The following BBS2 variants were observed in gnomAD, a reference collection of about 807,000 sequenced individuals.
BBS2 encodes BBSome complex member BBS2.
In BBS2, 62 loss-of-function variants were observed where a neutral mutation model predicts 83.0. The ratio of observed to expected loss-of-function variants is 0.75; its 90% CI spans 0.61 to 0.92. The LOEUF (loss-of-function observed/expected upper bound fraction) is 0.92. BBS2 is among the 40% of genes least tolerant of loss of function. The pLI is 0.00. For synonymous variants in BBS2, 303 were observed against 326.1 expected (o/e 0.93, Z 0.76); for missense variants, 784 against 901.0 (o/e 0.87, Z 1.66).
chr16:56,503,218 C>T (rs1172693372), intron 7 of BBS2, among the ~76,000 whole-genome samples: 2 of 152,178 alleles, frequency 1.3e-5, no homozygotes, highest in Non-Finnish European at 2.9e-5. Context: ...TGTGCTTGGT[C>T]TTTTCATCTG....
exon 18 of BBS2, chr16:56,470,683 A>G (rs776994437): frequency 6.2e-7 from 1 of 1,614,222 alleles, no homozygotes; most frequent in East Asian, 2.2e-5. Context: ...AGAAGGGACT[A>G]GCCATAGTCC....
intron 11 of BBS2, chr16:56,500,581 C>A: frequency 2.5e-6 from 1 of 398,278 alleles, no homozygotes; most frequent in Non-Finnish European, 4.7e-6. Flanking sequence ...ACTGAGATTG[C>A]CCCACTGTAC....
intron 15 of BBS2, among the ~76,000 whole-genome samples, chr16:56,494,893 C>T (rs993280794): frequency 4.0e-5 from 6 of 148,488 alleles, no homozygotes; most frequent in Non-Finnish European, 7.4e-5. Flanking sequence ...ACCCGGGAGG[C>T]GGAGGTTGCA....
chr16:56,497,253 T>G, intron 14 of BBS2, 174 bp from the exon 15 acceptor site: 1 of 653,918 alleles, frequency 1.5e-6, no homozygotes, highest in Non-Finnish European at 2.8e-6. Flanking sequence ...AACTCATCTG[T>G]GCTGCCTCCA....
At chr16:56,507,384 C>T (rs1205428172) in intron 5 of BBS2, among the ~76,000 whole-genome samples, 1 of 152,198 alleles carries the variant, frequency 6.6e-6, no homozygotes, top group Non-Finnish European at 1.5e-5. Flanking sequence ...GGTTCTTGTC[C>T]TCTTTTCTAG....
At chr16:56,497,500 A>T (rs1964147289) in intron 14 of BBS2, 3 of 562,918 alleles carry the variant, frequency 5.3e-6, no homozygotes, top group Admixed American at 3.1e-5. Context: ...GAAAATGTTA[A>T]TATTTAAATG....
chr16:56,514,613 AG>A lies in BBS2; in HGVS notation c.184del (p.Leu62TrpfsTer17), dbSNP rs1281259093. 1.9e-6 allele frequency: 3 copies of A among 1,614,108 alleles called. No individual in the cohort carries two copies. Among genetic ancestry groups the A allele is most frequent in the Non-Finnish European group, 2.5e-6 (3 of 1,179,932 alleles). On this transcript the variant is annotated frameshift_variant, in exon 2 of 17. Transcript: ENST00000245157. LOFTEE classifies it high-confidence loss of function. The part of the protein sequence containing the change: ...VSASRVFQSP[L>X]ESDVSLLSIN... Reference sequence around the variant, plus strand: ...GCTGAGAAGAGAAACATCAGATTCCAGGGGGCTCTGGAAGACCCTGGATGCA... The same window carrying A: ...GCTGAGAAGAGAAACATCAGATTCCAGGGGCTCTGGAAGACCCTGGATGCA...
intron 12 of BBS2, chr16:56,498,806 C>T (rs117009935): frequency 2.1e-5 from 23 of 1,080,728 alleles, no homozygotes; most frequent in Non-Finnish European, 2.8e-5. Context: ...AAGTAACATT[C>T]ATAATTATGC....
chr16:56,502,522 T>G (rs1964304649), intron 8 of BBS2, 66 bp from the exon 9 acceptor site: 1 of 1,613,056 alleles, frequency 6.2e-7, no homozygotes, highest in Non-Finnish European at 8.5e-7. Flanking sequence ...TACCTGCTCT[T>G]AAAAACAAAA....
In BBS2 at chr16:56,519,918, T is replaced by G; in HGVS notation, c.-56A>C. 3 of 1,473,528 alleles carry G rather than the reference T, an allele frequency of 2.0e-6. No individual in the cohort carries two copies. Among genetic ancestry groups the G allele is most frequent in the East Asian group, 2.3e-5 (1 of 43,842 alleles). The allele number at this position is 1,473,528 out of a possible 1,614,324, so 91.3% of individuals were successfully genotyped here. A position where few individuals can be genotyped will look rare whatever the true frequency, so the allele number is the denominator to read the frequency against. On this transcript the variant is annotated 5_prime_UTR_variant, in exon 1 of 17. Transcript: ENST00000245157. ...AAGCTGGAGACAAGCGCAGCGGAGC[T>G]GGCCTCACGCGCCCGGGCAAGAAGT...
At chr16:56,501,766 T>C (rs1376202917) in intron 9 of BBS2, 1 of 480,780 alleles carries the variant, frequency 2.1e-6, no homozygotes, top group Non-Finnish European at 3.7e-6. Context: ...TATTGTTCTT[T>C]TAAAGTAAGC....
chr16:56,474,370 G>C (rs1963354623), intron 17 of BBS2, among the ~76,000 whole-genome samples: 2 of 148,862 alleles, frequency 1.3e-5, no homozygotes, highest in Admixed American at 6.7e-5. Flanking sequence ...GCCCAGGCTG[G>C]AGTGTAATGG....
At chr16:56,495,536 T>G (rs920289315) in intron 15 of BBS2, among the ~76,000 whole-genome samples, 2 of 151,988 alleles carry the variant, frequency 1.3e-5, no homozygotes, top group Admixed American at 1.3e-4. Flanking sequence ...AGAGACTGAG[T>G]GGGCAAGCAA....
intron 11 of BBS2, 164 bp downstream of exon 11, chr16:56,500,690 G>A: frequency 3.0e-6 from 2 of 656,714 alleles, no homozygotes; most frequent in Non-Finnish European, 5.2e-6. Context: ...TCTTTTTACA[G>A]GTTTCAAACT....
chr16:56,502,303 G>A lies in BBS2; in HGVS notation c.1080+14C>T, dbSNP rs375468475. 62 of 1,613,822 alleles carry A rather than the reference G, an allele frequency of 3.8e-5. 1 individual carries two copies. The African/African-American group carries it at 7.7e-4, about 20-fold the overall frequency. On this transcript the variant is annotated intron_variant, in intron 9 of 16. Transcript: ENST00000245157. ...CAGCCTCCATTACCTGGTCACATTA[G>A]GACCTACACCTACCTTGGCATTTTC...
chr16:56,486,467 G>A (rs1963778679), intron 15 of BBS2, among the ~76,000 whole-genome samples: 1 of 152,146 alleles, frequency 6.6e-6, no homozygotes, highest in African/African-American at 2.4e-5. Context: ...TCCTCAGTTG[G>A]TGAATAGATA....
intron 15 of BBS2, among the ~76,000 whole-genome samples, chr16:56,489,347 AT>A (rs1433905023): frequency 2.0e-5 from 3 of 152,032 alleles, no homozygotes; most frequent in South Asian, 2.1e-4. Flanking sequence ...TCTCAAAATA[AT>A]TTTTTTTAAA....
At chr16:56,496,418 T>C (rs574977558) in intron 15 of BBS2, among the ~76,000 whole-genome samples, 7 of 152,350 alleles carry the variant, frequency 4.6e-5, no homozygotes, top group African/African-American at 1.4e-4. Flanking sequence ...TCTTATATGA[T>C]AATCTCTTCC....
At chr16:56,475,078 CAA>C in intron 17 of BBS2, 1 of 946,108 alleles carries the variant, frequency 1.1e-6, no homozygotes, top group South Asian at 1.7e-5. Context: ...CATGGGATCT[CAA>C]AGTCAAAGGG....
Sources: allele counts gnomAD v4.1 joint callset (sites outside exome capture counted in the v4.1 genomes callset), GRCh38; gene constraint gnomAD v4.1.1; transcripts MANE v1.5; gene names NCBI Gene and HGNC (gene_info 2026-07-23, HGNC 2026-07-21).